Variants in TPP2 observed in about 807,000 individuals in gnomAD.
The protein encoded by TPP2 is tripeptidyl peptidase 2.
In TPP2, 34 loss-of-function variants were observed where a neutral mutation model predicts 155.9. The observed-to-expected ratio is 0.22, with a 90% CI of 0.17 to 0.29. The LOEUF (loss-of-function observed/expected upper bound fraction) is 0.29. TPP2 is among the 10% of genes least tolerant of loss of function. The probability of loss-of-function intolerance (pLI) is 1.00; values close to 1 mark genes in which losing one functional copy is unlikely to be tolerated. For missense variants in TPP2, 1,028 were observed against 1,522.3 expected (o/e 0.68, Z 5.40); for synonymous variants, 510 against 529.4 (o/e 0.96, Z 0.50).
chr13:102,660,479 G>A (rs1409451950), intron 25 of TPP2, among the ~76,000 whole-genome samples: 2 of 152,118 alleles, frequency 1.3e-5, no homozygotes, highest in East Asian at 3.8e-4. Context: ...CAAAACAATT[G>A]TTGAAAGAAA....
At chr13:102,640,230 TAATA>T (rs1377718599) in intron 15 of TPP2, 36 bp from the exon 16 acceptor site, 9 of 1,395,600 alleles carry the variant, frequency 6.4e-6, no homozygotes, top group Non-Finnish European at 8.8e-6. Flanking sequence ...TGTGGTCTTA[TAATA>T]AATATATACA....
chr13:102,621,025 G>T (rs1027753289), intron 5 of TPP2, among the ~76,000 whole-genome samples: 2 of 152,134 alleles, frequency 1.3e-5, no homozygotes, highest in African/African-American at 4.8e-5. Flanking sequence ...GCCTCATTTT[G>T]ATATCCTTTC....
intron 17 of TPP2, 133 bp downstream of exon 17, chr13:102,643,509 A>G: frequency 4.4e-6 from 4 of 917,312 alleles, no homozygotes; most frequent in Non-Finnish European, 5.9e-6. Flanking sequence ...TTAATGCCAA[A>G]AAAATGAAGT....
At chr13:102,654,435 A>T (rs1165563104) in intron 24 of TPP2, among the ~76,000 whole-genome samples, 1 of 152,152 alleles carries the variant, frequency 6.6e-6, no homozygotes, top group African/African-American at 2.4e-5. Flanking sequence ...GGTTACTAGG[A>T]TATCTTTTTT....
At chr13:102,672,928 A>G (rs1025492993) in intron 27 of TPP2, among the ~76,000 whole-genome samples, 1 of 152,194 alleles carries the variant, frequency 6.6e-6, no homozygotes, top group African/African-American at 2.4e-5. Flanking sequence ...AGAAGCACTG[A>G]GGGATCTTTT....
At chr13:102,605,523 G>T (rs1277137661) in intron 2 of TPP2, among the ~76,000 whole-genome samples, 1 of 152,118 alleles carries the variant, frequency 6.6e-6, no homozygotes, top group East Asian at 1.9e-4. Context: ...TTAGAATTGG[G>T]CGGTATTTTT....
chr13:102,599,570 G>A (rs1270357631), intron 1 of TPP2, among the ~76,000 whole-genome samples: 2 of 152,218 alleles, frequency 1.3e-5, no homozygotes, highest in Non-Finnish European at 2.9e-5. Flanking sequence ...AAGTGAAAAC[G>A]TGGAAGAACA....
In TPP2 at chr13:102,678,380, A is replaced by G; in HGVS notation, c.*64A>G. The G allele has an allele frequency of 4.9e-6, 7 of 1,439,954 alleles. No homozygotes were observed. The Admixed American group carries it at 1.1e-4, about 22-fold the overall frequency. 89.2% of individuals were successfully genotyped at this position (1,439,954 alleles called of 1,614,324 possible). A position where few individuals can be genotyped will look rare whatever the true frequency, so the allele number is the denominator to read the frequency against. ...TTATAGTGAATGGGTATAAAAACAA[A>G]TTTGTGGCATTTTTAGTCTAATGCA... On this transcript the variant is annotated 3_prime_UTR_variant, in exon 30 of 30. Transcript: ENST00000376052.
chr13:102,614,035 A>T, intron 2 of TPP2, 66 bp from the exon 3 acceptor site: 5 of 1,396,812 alleles, frequency 3.6e-6, no homozygotes, highest in African/African-American at 1.4e-5. Flanking sequence ...TTTTTTGCTC[A>T]GTAGTGTATC....
At chr13:102,625,926 A>C (rs1458610643) in intron 6 of TPP2, among the ~76,000 whole-genome samples, 2 of 152,240 alleles carry the variant, frequency 1.3e-5, no homozygotes, top group African/African-American at 4.8e-5. Context: ...GTCTTTTAAG[A>C]AACTTTTTCA....
chr13:102,618,793 C>T lies in TPP2; in HGVS notation c.567C>T (p.Ser189=), dbSNP rs145793387. ...TAAATTCTTTTGAGAAGAAATACAG[C>T]GATCCTGGCCCTGTATATGACTGCT... ...ELLNSFEKKY[S]DPGPVYDCLV... The change falls in exon 5 of 30, where the codon AGC becomes AGT. Residue 189 remains serine (S), a synonymous_variant. Coordinates refer to ENST00000376052, the MANE Select transcript of TPP2 (RefSeq NM_001330588.2). 36 of 1,613,688 alleles carry T rather than the reference C, an allele frequency of 2.2e-5. No individual in the cohort carries two copies. Among genetic ancestry groups the T allele is most frequent in the Middle Eastern group, 1.6e-4 (1 of 6,082 alleles).
At chr13:102,643,456 G>T in intron 17 of TPP2, 80 bp downstream of exon 17, 2 of 1,259,650 alleles carry the variant, frequency 1.6e-6, no homozygotes, top group South Asian at 5.1e-5. Flanking sequence ...ATTTGCATTT[G>T]ATTTTATAGT....
chr13:102,661,657 C>T (rs1298300385), intron 25 of TPP2, among the ~76,000 whole-genome samples: 3 of 152,064 alleles, frequency 2.0e-5, no homozygotes, highest in Non-Finnish European at 2.9e-5. Context: ...TACAAATGAC[C>T]AGTAAGTGCA....
At chr13:102,637,037 A>C (rs11618464) in intron 13 of TPP2, 45 bp from the exon 14 acceptor site, 2 of 1,543,430 alleles carry the variant, frequency 1.3e-6, no homozygotes, top group Admixed American at 2.3e-5. Context: ...AATGGAAAAA[A>C]GGAAAAAAAT....
At chr13:102,669,088 A>G (rs185779381) in intron 27 of TPP2, among the ~76,000 whole-genome samples, 101 of 152,280 alleles carry the variant, frequency 6.6e-4, no homozygotes, top group South Asian at 3.5e-3. Flanking sequence ...CGCACCATAC[A>G]TTACTGTTTA....
intron 24 of TPP2, among the ~76,000 whole-genome samples, chr13:102,653,170 C>T (rs913592258): frequency 1.3e-5 from 2 of 152,068 alleles, no homozygotes; most frequent in African/African-American, 4.8e-5. Flanking sequence ...GTCTTCAATG[C>T]AAGTACACAA....
At position 102,597,017 on chromosome 13, in the gene TPP2, C is replaced by T. The variant is rs757541910; in HGVS notation, c.-22C>T. The T allele has an allele frequency of 2.9e-5, 47 of 1,608,718 alleles. No homozygotes were observed. The Admixed American group carries it at 4.2e-4, about 14-fold the overall frequency. ...CGCGCAGCCTGGCAGTTTGCCGCTT[C>T]CTCGTCCTCCATCCTGCGTCCATGG... is the stretch of plus-strand genomic sequence containing the variant. On this transcript the variant is annotated 5_prime_UTR_variant, in exon 1 of 30. Transcript: ENST00000376052.
At position 102,678,426 on chromosome 13, in the gene TPP2, T is replaced by A. The variant is rs1408113480; in HGVS notation, c.*110T>A. On this transcript the variant is annotated 3_prime_UTR_variant, in exon 30 of 30. Coordinates refer to ENST00000376052, the MANE Select transcript of TPP2 (RefSeq NM_001330588.2). ...ATGCATGTTTTCATCCACTATCCAG[T>A]ACTGATTATTAAAATGACATGTATT... is the stretch of plus-strand genomic sequence containing the variant. 1 of 803,024 alleles carries A rather than the reference T, an allele frequency of 1.2e-6. No homozygotes were observed. Among genetic ancestry groups the A allele is most frequent in the East Asian group, 2.7e-5 (1 of 37,214 alleles). The allele number at this position is 803,024 out of a possible 1,614,324, so 49.7% of individuals were successfully genotyped here. A position where few individuals can be genotyped will look rare whatever the true frequency, so the allele number is the denominator to read the frequency against.
At chr13:102,622,753 ATTATAT>A in intron 5 of TPP2, 118 bp from the exon 6 acceptor site, 3 of 1,106,392 alleles carry the variant, frequency 2.7e-6, no homozygotes, top group Non-Finnish European at 3.8e-6. Flanking sequence ...CCAGGCAGTC[ATTATAT>A]TTATATTTGT....
Sources: allele counts gnomAD v4.1 joint callset (sites outside exome capture counted in the v4.1 genomes callset), GRCh38; gene constraint gnomAD v4.1.1; transcripts MANE v1.5; gene names NCBI Gene and HGNC (gene_info 2026-07-23, HGNC 2026-07-21).